Variants in ASTN2 observed in about 807,000 individuals in gnomAD.
ASTN2 encodes astrotactin 2, also known as astrotactin-2.
In ASTN2, 54 loss-of-function variants were observed where a neutral mutation model predicts 139.8. That is an observed-to-expected ratio of 0.39 (90% CI 0.31 to 0.48). The LOEUF (loss-of-function observed/expected upper bound fraction) is 0.48. Ranked by LOEUF, ASTN2 falls within the 20% of genes least tolerant of loss-of-function variation. The pLI, the probability that ASTN2 is intolerant of heterozygous loss-of-function variation, is 0.95. For missense variants in ASTN2, 1,565 were observed against 1,725.1 expected, an observed-to-expected ratio of 0.91 and a Z score of 1.64; for synonymous variants, 756 against 719.5, an observed-to-expected ratio of 1.05 and a Z score of -0.81.
At chr9:116,908,234 A>G (rs1834218840) in intron 10 of ASTN2, among the ~76,000 whole-genome samples, 1 of 152,174 alleles carries the variant, frequency 6.6e-6, no homozygotes, top group Non-Finnish European at 1.5e-5. Flanking sequence ...TAAGACTAAA[A>G]TAGACTTTAG....
intron 5 of ASTN2, among the ~76,000 whole-genome samples, chr9:117,080,798 G>A (rs376527203): frequency 6.6e-6 from 1 of 152,126 alleles, no homozygotes; most frequent in Admixed American, 6.5e-5. Flanking sequence ...CTAGGAAGGA[G>A]CTTCCTAAGG....
intron 5 of ASTN2, among the ~76,000 whole-genome samples, chr9:117,078,289 G>C (rs1405389590): frequency 6.6e-6 from 1 of 152,076 alleles, no homozygotes; most frequent in Non-Finnish European, 1.5e-5. Context: ...GTTATTTTTT[G>C]AGTGCCCATT....
chr9:116,528,835 G>T (rs893969183), intron 19 of ASTN2, among the ~76,000 whole-genome samples: 11 of 152,314 alleles, frequency 7.2e-5, no homozygotes, highest in African/African-American at 2.6e-4. Flanking sequence ...CAAGCCCCAC[G>T]TCTTGGTGGC....
intron 13 of ASTN2, among the ~76,000 whole-genome samples, chr9:116,742,510 T>C (rs1406699954): frequency 6.6e-6 from 1 of 152,134 alleles, no homozygotes; most frequent in Non-Finnish European, 1.5e-5. Flanking sequence ...AAGGGTAGTG[T>C]CAATAAATGC....
chr9:116,846,896 AC>A (rs1364121127), intron 11 of ASTN2, among the ~76,000 whole-genome samples: 3 of 150,680 alleles, frequency 2.0e-5, no homozygotes, highest in East Asian at 2.0e-4. Flanking sequence ...TGGCTGGTCA[AC>A]CTTTTGGTGG....
intron 10 of ASTN2, among the ~76,000 whole-genome samples, chr9:116,966,461 A>G (rs760721801): frequency 1.3e-3 from 194 of 152,318 alleles, no homozygotes; most frequent in Middle Eastern, 3.4e-3. Flanking sequence ...AAAGACTTAC[A>G]GAAATTTGGT....
intron 13 of ASTN2, among the ~76,000 whole-genome samples, chr9:116,751,461 A>G (rs1205950531): frequency 6.6e-6 from 1 of 152,198 alleles, no homozygotes; most frequent in Non-Finnish European, 1.5e-5. Context: ...AGTGTTGCTG[A>G]ATTGTTGTGG....
chr9:116,909,307 A>T (rs1834250764), intron 10 of ASTN2, among the ~76,000 whole-genome samples: 1 of 152,096 alleles, frequency 6.6e-6, no homozygotes, highest in Non-Finnish European at 1.5e-5. Flanking sequence ...AGAATGAATG[A>T]GTGTGTTGAG....
At chr9:116,968,917 G>C (rs988073392) in intron 10 of ASTN2, among the ~76,000 whole-genome samples, 1 of 128,720 alleles carries the variant, frequency 7.8e-6, no homozygotes, top group Non-Finnish European at 1.7e-5. Context: ...AAAAAAAAAA[G>C]TTCCTCCTTA....
chr9:117,029,658 C>A (rs551773528), intron 6 of ASTN2, among the ~76,000 whole-genome samples: 1 of 150,918 alleles, frequency 6.6e-6, no homozygotes, highest in African/African-American at 2.4e-5. Context: ...GGTATGCAAA[C>A]GTTTGTTGAC....
At position 117,218,860 on chromosome 9, in the gene ASTN2, T is replaced by G. The variant is rs1300928535; in HGVS notation, c.631-4118A>C. On this transcript the variant is annotated intron_variant, in intron 2 of 22. Coordinates refer to ENST00000313400, the MANE Select transcript of ASTN2 (RefSeq NM_001365068.1). ...TGGACATAGAACTTAATTTCTCTGA[T>G]TAACAATTTTATTATCTATAAAATC... Among the ~76,000 whole-genome samples, 5 of 152,302 alleles carry G rather than the reference T, an allele frequency of 3.3e-5. No homozygotes were observed. In the East Asian group the frequency reaches 9.7e-4, roughly 30 times the overall value.
At chr9:116,879,913 T>G (rs938229290) in intron 10 of ASTN2, among the ~76,000 whole-genome samples, 1 of 152,144 alleles carries the variant, frequency 6.6e-6, no homozygotes, top group Non-Finnish European at 1.5e-5. Flanking sequence ...AACTTAGAGT[T>G]ATGTTTTTAT....
At chr9:116,839,002 T>C (rs1041307055) in intron 11 of ASTN2, among the ~76,000 whole-genome samples, 1 of 152,238 alleles carries the variant, frequency 6.6e-6, no homozygotes, top group Non-Finnish European at 1.5e-5. Flanking sequence ...AACAATGACT[T>C]GTTCTCCTCC....
chr9:116,829,431 C>T (rs989332997), intron 11 of ASTN2, among the ~76,000 whole-genome samples: 3 of 151,560 alleles, frequency 2.0e-5, no homozygotes, highest in Non-Finnish European at 2.9e-5. Context: ...TGTATTAGTC[C>T]GTTATCACAC....
At chr9:117,350,876 G>A (rs1308453873) in intron 1 of ASTN2, among the ~76,000 whole-genome samples, 2 of 152,182 alleles carry the variant, frequency 1.3e-5, no homozygotes, top group Non-Finnish European at 2.9e-5. Context: ...GTTATGTTCA[G>A]TACTCAAGTC....
intron 5 of ASTN2, among the ~76,000 whole-genome samples, chr9:117,046,541 T>C (rs1266907986): frequency 2.6e-5 from 4 of 152,140 alleles, no homozygotes; most frequent in Non-Finnish European, 4.4e-5. Flanking sequence ...TTTCCTTCCA[T>C]CTCATTTCCT....
At chr9:116,528,179 C>T (rs181791421) in intron 19 of ASTN2, among the ~76,000 whole-genome samples, 2 of 152,250 alleles carry the variant, frequency 1.3e-5, no homozygotes, top group African/African-American at 4.8e-5. Context: ...ATGGTTTTGA[C>T]TGAAATGCTG....
intron 6 of ASTN2, among the ~76,000 whole-genome samples, chr9:117,036,587 T>C (rs1407188599): frequency 6.6e-6 from 1 of 152,100 alleles, no homozygotes; most frequent in East Asian, 1.9e-4. Flanking sequence ...GGAAGGAATA[T>C]TCTCTCCCTT....
intron 10 of ASTN2, among the ~76,000 whole-genome samples, chr9:116,950,592 CGGGAAGTTACAGTTTGTCAT>C (rs1173460721): frequency 1.3e-5 from 2 of 152,146 alleles, no homozygotes; most frequent in South Asian, 2.1e-4. Flanking sequence ...AAGTTTGTCA[CGGGAAGTTACAGTTTGTCAT>C]GGGAAGTTAC....
Sources: gnomAD v4.1 joint callset for allele counts (sites outside exome capture counted in the v4.1 genomes callset) on GRCh38, gnomAD v4.1.1 for gene constraint, MANE v1.5 for transcripts, NCBI Gene and HGNC (gene_info 2026-07-23, HGNC 2026-07-21) for gene names.